TCF7L1: variants seen among roughly 807,000 people sequenced by gnomAD.
TCF7L1 encodes transcription factor 7-like 1.
A neutral mutation model predicts 63.7 loss-of-function variants in TCF7L1; 18 were observed. The ratio of observed to expected loss-of-function variants is 0.28; its 90% CI spans 0.20 to 0.42. TCF7L1 has a LOEUF of 0.42. Among genes scored for constraint, TCF7L1 ranks in the 10% least tolerant of loss-of-function variants. The pLI, the probability that TCF7L1 is intolerant of heterozygous loss-of-function variation, is 1.00. For synonymous variants in TCF7L1, 355 were observed against 340.9 expected, an observed-to-expected ratio of 1.04 and a Z score of -0.46; for missense variants, 654 against 779.3, an observed-to-expected ratio of 0.84 and a Z score of 1.91.
At chr2:85,285,684 G>A (rs79970807) in intron 4 of TCF7L1, among the ~76,000 whole-genome samples, 2,352 of 152,260 alleles carry the variant, frequency 0.015, 59 homozygotes, top group African/African-American at 0.054. Context: ...GAGGATGTGC[G>A]GACCACATCT....
At chr2:85,217,204 T>A (rs1679730739) in intron 3 of TCF7L1, 1 of 152,174 alleles carries the variant, frequency 6.6e-6, no homozygotes, top group African/African-American at 2.4e-5. Context: ...ACAACAAATG[T>A]TTGTAAGTGG....
intron 3 of TCF7L1, among the ~76,000 whole-genome samples, chr2:85,258,014 T>G (rs1054419358): frequency 6.6e-6 from 1 of 152,218 alleles, no homozygotes; most frequent in African/African-American, 2.4e-5. Context: ...AAAATCTCTC[T>G]AATCTTAGTT....
At chr2:85,275,350 T>C (rs1681246455) in intron 3 of TCF7L1, among the ~76,000 whole-genome samples, 2 of 151,928 alleles carry the variant, frequency 1.3e-5, no homozygotes, top group South Asian at 4.2e-4. Flanking sequence ...TTAGGTCAAA[T>C]CTAGGAGGCA....
intron 3 of TCF7L1, among the ~76,000 whole-genome samples, chr2:85,256,942 C>G (rs1428035854): frequency 6.6e-6 from 1 of 151,754 alleles, no homozygotes; most frequent in Non-Finnish European, 1.5e-5. Flanking sequence ...GAGATCGCAC[C>G]ATTGCACTCC....
intron 4 of TCF7L1, among the ~76,000 whole-genome samples, chr2:85,294,809 G>A (rs939500543): frequency 6.6e-6 from 1 of 152,132 alleles, no homozygotes; most frequent in Non-Finnish European, 1.5e-5. Context: ...GAGGTGGGAG[G>A]ATCACTTGAG....
At chr2:85,189,685 C>T (rs770682860) in intron 3 of TCF7L1, among the ~76,000 whole-genome samples, 6 of 150,102 alleles carry the variant, frequency 4.0e-5, no homozygotes, top group African/African-American at 7.6e-5. Context: ...CTGGAGCCCT[C>T]CCAGCTGCCC....
intron 3 of TCF7L1, among the ~76,000 whole-genome samples, chr2:85,250,079 G>T (rs1175688350): frequency 6.6e-6 from 1 of 152,198 alleles, no homozygotes; most frequent in Non-Finnish European, 1.5e-5. Flanking sequence ...GATAGAAAGA[G>T]AAGTGGGGAA....
intron 3 of TCF7L1, among the ~76,000 whole-genome samples, chr2:85,135,789 G>A (rs189635611): frequency 0.013 from 1,615 of 129,088 alleles, 38 homozygotes; most frequent in African/African-American, 0.042. Flanking sequence ...GAGAGGGAGG[G>A]AGGTCTTGCA....
chr2:85,295,039 AT>A (rs61518420), intron 4 of TCF7L1, among the ~76,000 whole-genome samples: 1 of 151,928 alleles, frequency 6.6e-6, no homozygotes, highest in South Asian at 2.1e-4. Context: ...GAAAAAAAAA[AT>A]TTTTTTAAAT....
At chr2:85,227,568 T>G (rs1318823898) in intron 3 of TCF7L1, among the ~76,000 whole-genome samples, 2 of 152,090 alleles carry the variant, frequency 1.3e-5, no homozygotes, top group Admixed American at 1.3e-4. Context: ...CAAAGGACAG[T>G]CTTTTAAATT....
chr2:85,178,945 T>A (rs1678738860), intron 3 of TCF7L1, among the ~76,000 whole-genome samples: 2 of 152,028 alleles, frequency 1.3e-5, no homozygotes, highest in South Asian at 4.1e-4. Flanking sequence ...GTCAAGAGGA[T>A]GGATGGAAGA....
intron 4 of TCF7L1, among the ~76,000 whole-genome samples, chr2:85,286,127 GT>G (rs747644385): frequency 7.4e-5 from 11 of 148,584 alleles, no homozygotes; most frequent in Non-Finnish European, 1.2e-4. Flanking sequence ...GGAGGCAGAG[GT>G]TGCAGTGAGC....
chr2:85,208,380 C>T (rs2104286384), intron 3 of TCF7L1, among the ~76,000 whole-genome samples: 1 of 152,188 alleles, frequency 6.6e-6, no homozygotes, highest in African/African-American at 2.4e-5. Context: ...GAGAGAGAGA[C>T]ATACGTATAC....
intron 4 of TCF7L1, among the ~76,000 whole-genome samples, chr2:85,288,124 C>T (rs896985249): frequency 3.3e-5 from 5 of 152,094 alleles, no homozygotes; most frequent in Non-Finnish European, 5.9e-5. Flanking sequence ...GAAAGAACAA[C>T]GAAAATACTG....
rs549470093 is a variant in TCF7L1 at position 85,216,958 on chromosome 2, C to T, written c.442-66537C>T. ...CTAGTACTACCTGGATGCAAGCCTT[C>T]CTCCGCCTGTGTCCCAGCAAGGAAG... On this transcript the variant is annotated intron_variant, in intron 3 of 11. Coordinates refer to ENST00000282111, the MANE Select transcript of TCF7L1 (RefSeq NM_031283.3). 4.6e-5 allele frequency: 7 copies of T among 152,322 alleles called. No homozygotes were observed. The South Asian group carries it at 1.5e-3, about 32-fold the overall frequency. The allele number at this position is 152,322 out of a possible 1,614,324, so 9.4% of individuals were successfully genotyped here.
rs1682112148 is a variant in TCF7L1 at position 85,306,553 on chromosome 2, C to A, written c.1251C>A (p.Asp417Glu). 6.2e-7 allele frequency: 1 copy of A among 1,614,138 alleles called. No individual in the cohort carries two copies. The highest frequency in any genetic ancestry group is 8.5e-7 in the Non-Finnish European group (1 of 1,179,988). The change falls in exon 10 of 12, where the codon GAC (aspartate) becomes GAA (glutamate). Residue 417 changes from aspartate to glutamate, a missense_variant. By Grantham distance (45) the Asp-to-Glu change is conservative. This residue lies in a region of TCF7L1 where 66 missense variants were observed against 120.5 expected (regional missense o/e 0.55). Transcript: ENST00000282111. This position sits in a 1 kb window ranked among gnomAD's most constrained non-coding sequence, Gnocchi z 4.3. ...TCTACCCAACCTGGTCAGCCCGGGACAACTATGTAAGTGCACACTCTGGGC... is the reference window on the plus strand; with the variant it reads ...TCTACCCAACCTGGTCAGCCCGGGAAAACTATGTAAGTGCACACTCTGGGC... The part of the protein sequence containing the change: ...SQLYPTWSAR[D>E]NYGKKKKRKR...
chr2:85,169,446 G>A (rs974901384), intron 3 of TCF7L1, among the ~76,000 whole-genome samples: 3 of 149,862 alleles, frequency 2.0e-5, no homozygotes, highest in Non-Finnish European at 1.5e-5. Flanking sequence ...CTGCAACCTC[G>A]AACTCCTGGG....
At chr2:85,256,756 G>C (rs1227180475) in intron 3 of TCF7L1, among the ~76,000 whole-genome samples, 2 of 152,144 alleles carry the variant, frequency 1.3e-5, no homozygotes, top group Non-Finnish European at 2.9e-5. Flanking sequence ...GCCGAGGTGG[G>C]TGGATCACCT....
chr2:85,177,412 T>C (rs956121699), intron 3 of TCF7L1, among the ~76,000 whole-genome samples: 11 of 152,192 alleles, frequency 7.2e-5, no homozygotes, highest in Admixed American at 2.6e-4. Flanking sequence ...CACCACACTA[T>C]ATAAAAGAGA....
Sources: allele counts gnomAD v4.1 joint callset (sites outside exome capture counted in the v4.1 genomes callset), GRCh38; gene constraint gnomAD v4.1.1; regional missense constraint gnomAD v4.1.1; non-coding constraint Gnocchi (gnomAD v3.1); transcripts MANE v1.5; gene names NCBI Gene and HGNC (gene_info 2026-07-23, HGNC 2026-07-21).